TRA2B: variants seen among roughly 807,000 people sequenced by gnomAD.
TRA2B encodes transformer-2 protein homolog beta.
Under a neutral mutation model 41.7 loss-of-function variants are expected in TRA2B, and 14 were observed. The observed-to-expected ratio is 0.34, with a 90% CI of 0.22 to 0.53. The LOEUF (loss-of-function observed/expected upper bound fraction) is 0.53, where lower values mean the gene tolerates loss of function less well. TRA2B is among the 20% of genes least tolerant of loss of function. The pLI, the probability that TRA2B is intolerant of heterozygous loss-of-function variation, is 0.95. For synonymous variants in TRA2B, 130 were observed against 128.8 expected, an observed-to-expected ratio of 1.01 and a Z score of -0.06; for missense variants, 167 against 396.8, an observed-to-expected ratio of 0.42 and a Z score of 4.92.
intron 1 of TRA2B, chr3:185,934,400 A>C (rs1210341481): frequency 2.0e-6 from 2 of 985,440 alleles, no homozygotes; most frequent in African/African-American, 3.5e-5. Flanking sequence ...ATTCCTTTTC[A>C]ACCTTTTGGC....
chr3:185,935,266 G>C (rs189829186), intron 1 of TRA2B: 1 of 985,428 alleles, frequency 1.0e-6, no homozygotes. Context: ...ACTTTTGAAA[G>C]TGGTTTGGCC....
chr3:185,922,476 A>G (rs1329980849), intron 4 of TRA2B: 1 of 163,038 alleles, frequency 6.1e-6, no homozygotes, highest in Non-Finnish European at 1.3e-5. Flanking sequence ...ACTAGGGGGA[A>G]AAACAGTATT....
intron 1 of TRA2B, among the ~76,000 whole-genome samples, chr3:185,933,345 T>C (rs755240328): frequency 2.4e-4 from 37 of 152,322 alleles, no homozygotes; most frequent in Middle Eastern, 6.8e-3. Context: ...ATATTAGATT[T>C]AATTCAACTC....
intron 1 of TRA2B, 100 bp downstream of exon 1, chr3:185,937,725 G>A (rs538691690): frequency 3.3e-6 from 5 of 1,537,734 alleles, no homozygotes; most frequent in East Asian, 4.5e-5. Flanking sequence ...AGACTTCGGA[G>A]CCTAAAACGC....
At chr3:185,923,429 A>G (rs1477190967) in intron 4 of TRA2B, 1 of 160,264 alleles carries the variant, frequency 6.2e-6, no homozygotes, top group East Asian at 1.8e-4. Context: ...ACAAATCAAA[A>G]TCCAAATATG....
At chr3:185,926,293 T>C (rs1743949763) in intron 2 of TRA2B, among the ~76,000 whole-genome samples, 1 of 152,066 alleles carries the variant, frequency 6.6e-6, no homozygotes, top group South Asian at 2.1e-4. Context: ...GTAAGCAGTT[T>C]ACTTACATTT....
chr3:185,922,201 C>T, intron 4 of TRA2B, 75 bp from the exon 5 acceptor site: 3 of 1,036,088 alleles, frequency 2.9e-6, no homozygotes, highest in South Asian at 1.5e-5. Flanking sequence ...GAGTAAGATC[C>T]CACTGGACAT....
chr3:185,922,992 A>G (rs1578475804), intron 4 of TRA2B: 1 of 152,312 alleles, frequency 6.6e-6, no homozygotes, highest in East Asian at 1.9e-4. Context: ...TAATTAGGAA[A>G]TGGGCGGCCG....
chr3:185,929,253 G>A (rs61538364), intron 1 of TRA2B, among the ~76,000 whole-genome samples: 2,304 of 152,258 alleles, frequency 0.015, 63 homozygotes, highest in African/African-American at 0.05. Flanking sequence ...CATATGGCAA[G>A]GGAATAAAAC....
At chr3:185,923,671 AG>A in intron 4 of TRA2B, 124 bp downstream of exon 4, 1 of 860,750 alleles carries the variant, frequency 1.2e-6, no homozygotes, top group Non-Finnish European at 1.7e-6. Flanking sequence ...AGTCTCCACA[AG>A]AGGTTGGAGA....
At chr3:185,925,669 A>T (rs1399318213) in intron 2 of TRA2B, 43 bp from the exon 3 acceptor site, 2 of 1,569,732 alleles carry the variant, frequency 1.3e-6, no homozygotes, top group Admixed American at 1.9e-5. Flanking sequence ...GAAAACAAAT[A>T]TTGTCTTCTT....
At chr3:185,926,203 A>G (rs571511482) in intron 2 of TRA2B, among the ~76,000 whole-genome samples, 1 of 151,872 alleles carries the variant, frequency 6.6e-6, no homozygotes, top group African/African-American at 2.4e-5. Flanking sequence ...TAAAAAAAAA[A>G]AAGCGCACCA....
In TRA2B at chr3:185,915,185, T is replaced by C. The variant is rs77281551; in HGVS notation, c.*2530A>G. Among the ~76,000 whole-genome samples, 3,984 of 152,282 alleles carry C rather than the reference T, an allele frequency of 0.026. 148 individuals are homozygous for C. Among genetic ancestry groups the C allele is most frequent in the African/African-American group, 0.09 (3,759 of 41,552 alleles). ...ACCCCTGCTCCCAGGTCTACAAATC[T>C]TTTGACACAGCCTTATTTCCACTTG... On this transcript the variant is annotated 3_prime_UTR_variant, in exon 9 of 9. Coordinates refer to ENST00000453386, the MANE Select transcript of TRA2B (RefSeq NM_004593.3).
chr3:185,936,001 A>T (rs867661959), intron 1 of TRA2B: 1 of 985,430 alleles, frequency 1.0e-6, no homozygotes, highest in African/African-American at 1.7e-5. Flanking sequence ...AACCCATCAG[A>T]AAATTTCAAA....
At chr3:185,936,712 A>AACC (rs1744373417) in intron 1 of TRA2B, 1 of 983,106 alleles carries the variant, frequency 1.0e-6, no homozygotes, top group South Asian at 4.7e-5. Flanking sequence ...TTATTCCCAC[A>AACC]GCCTCAAAAA....
intron 7 of TRA2B, 61 bp from the exon 8 acceptor site, chr3:185,918,499 A>C: frequency 1.6e-6 from 2 of 1,215,664 alleles, no homozygotes; most frequent in South Asian, 1.3e-5. Context: ...CAAACATATA[A>C]ATTTATGACT....
In TRA2B at chr3:185,915,507, G is replaced by A. The variant is rs79070107; in HGVS notation, c.*2208C>T. 3.3e-3 allele frequency among the ~76,000 whole-genome samples: 495 copies of A among 152,164 alleles called. 2 individuals are homozygous for A. Among genetic ancestry groups the A allele is most frequent in the African/African-American group, 0.011 (448 of 41,516 alleles). ...GCTGCCTCCCTTTCATGAAACTGGC[G>A]ACTAGCATTACAGCACATCAAAAGA... On this transcript the variant is annotated 3_prime_UTR_variant, in exon 9 of 9. Transcript: ENST00000453386.
At chr3:185,919,156 AC>A (rs1387024539) in intron 7 of TRA2B, among the ~76,000 whole-genome samples, 6 of 148,314 alleles carry the variant, frequency 4.0e-5, no homozygotes, top group Admixed American at 4.0e-4. Flanking sequence ...AAAATGTAAT[AC>A]AAGAACATAA....
At chr3:185,922,604 A>C (rs983525641) in intron 4 of TRA2B, 5 of 152,518 alleles carry the variant, frequency 3.3e-5, no homozygotes, top group Non-Finnish European at 4.4e-5. Flanking sequence ...AACAGAGTTA[A>C]ATAGTTGCGA....
Sources: gnomAD v4.1 joint callset for allele counts (sites outside exome capture counted in the v4.1 genomes callset) on GRCh38, gnomAD v4.1.1 for gene constraint, MANE v1.5 for transcripts, NCBI Gene and HGNC (gene_info 2026-07-23, HGNC 2026-07-21) for gene names.